RNF180: variants seen among roughly 807,000 people sequenced by gnomAD.
The protein encoded by RNF180 is E3 ubiquitin-protein ligase RNF180.
In RNF180, 38 loss-of-function variants were observed where a neutral mutation model predicts 59.2. The ratio of observed to expected loss-of-function variants is 0.64; its 90% CI spans 0.50 to 0.84. The LOEUF is 0.84. Among genes scored for constraint, RNF180 ranks in the 40% least tolerant of loss-of-function variants. The probability of loss-of-function intolerance (pLI) is 0.00; values close to 1 mark genes in which losing one functional copy is unlikely to be tolerated. For missense variants in RNF180, 705 were observed against 700.9 expected (o/e 1.01, Z -0.07); for synonymous variants, 262 against 240.3 (o/e 1.09, Z -0.84).
chr5:64,271,295 T>G lies in RNF180; in HGVS notation c.1228-53891T>G, dbSNP rs988858344. Among the ~76,000 whole-genome samples the G allele has an allele frequency of 1.4e-4, 21 of 152,230 alleles. No homozygotes were observed. The South Asian group carries it at 1.7e-3, about 12-fold the overall frequency. Reference sequence around the variant, plus strand: ...TGAACCCTCTTTAATGTGGAACATTTGACAGGTATATGTTGCTATTGAATA... The same window carrying G: ...TGAACCCTCTTTAATGTGGAACATTGGACAGGTATATGTTGCTATTGAATA... On this transcript the variant is annotated intron_variant, in intron 5 of 7. Transcript: ENST00000389100.
chr5:64,268,148 A>G (rs1744795474), intron 5 of RNF180, among the ~76,000 whole-genome samples: 1 of 152,140 alleles, frequency 6.6e-6, no homozygotes, highest in East Asian at 1.9e-4. Flanking sequence ...ATTTAGGTTC[A>G]CAAGGTGGTG....
chr5:64,337,466 G>A (rs1211445680), intron 7 of RNF180, among the ~76,000 whole-genome samples: 1 of 151,562 alleles, frequency 6.6e-6, no homozygotes, highest in Non-Finnish European at 1.5e-5. Flanking sequence ...ATTTTTATAT[G>A]GTTTCCTATT....
intron 5 of RNF180, among the ~76,000 whole-genome samples, chr5:64,297,040 A>G (rs1000771819): frequency 6.6e-6 from 1 of 152,134 alleles, no homozygotes; most frequent in Admixed American, 6.6e-5. Flanking sequence ...TTATGAAGAT[A>G]GTAATGTGTA....
intron 3 of RNF180, 112 bp downstream of exon 3, chr5:64,212,272 T>C: frequency 1.5e-6 from 1 of 664,318 alleles, no homozygotes; most frequent in Non-Finnish European, 2.8e-6. Flanking sequence ...CTCTTACTGC[T>C]CCTCACTCCC....
intron 5 of RNF180, among the ~76,000 whole-genome samples, chr5:64,312,256 C>T (rs1024662318): frequency 6.6e-6 from 1 of 152,016 alleles, no homozygotes; most frequent in Non-Finnish European, 1.5e-5. Context: ...AGATTTCTAA[C>T]AAGATCTCAA....
intron 1 of RNF180, among the ~76,000 whole-genome samples, chr5:64,171,804 T>C (rs1333513809): frequency 6.6e-6 from 1 of 152,194 alleles, no homozygotes; most frequent in Non-Finnish European, 1.5e-5. Flanking sequence ...TTCTCATTCC[T>C]AAAATTTGTT....
intron 1 of RNF180, among the ~76,000 whole-genome samples, chr5:64,191,135 A>C (rs1475204481): frequency 6.6e-6 from 1 of 152,206 alleles, no homozygotes; most frequent in East Asian, 1.9e-4. Flanking sequence ...TTTGTAGACT[A>C]TTTTTAGAGC....
chr5:64,306,067 A>G (rs899979223), intron 5 of RNF180, among the ~76,000 whole-genome samples: 1 of 151,720 alleles, frequency 6.6e-6, no homozygotes, highest in African/African-American at 2.4e-5. Flanking sequence ...TTAGCTATAG[A>G]AAAATCTAAT....
At chr5:64,341,483 T>C (rs1386898880) in intron 7 of RNF180, among the ~76,000 whole-genome samples, 2 of 152,178 alleles carry the variant, frequency 1.3e-5, no homozygotes, top group African/African-American at 4.8e-5. Flanking sequence ...GTTCAAGTGT[T>C]CTAAAGTTTG....
chr5:64,349,330 A>G (rs1014889386), intron 7 of RNF180, among the ~76,000 whole-genome samples: 8 of 150,042 alleles, frequency 5.3e-5, no homozygotes, highest in Admixed American at 2.0e-4. Flanking sequence ...TTTTTTTTGT[A>G]TTTTATTGAT....
intron 5 of RNF180, among the ~76,000 whole-genome samples, chr5:64,321,200 G>A (rs1438140200): frequency 6.6e-6 from 1 of 152,064 alleles, no homozygotes; most frequent in Non-Finnish European, 1.5e-5. Flanking sequence ...AAAAGGGTGG[G>A]GGGTATGCAG....
chr5:64,221,255 TTGAAA>T (rs757187583), intron 5 of RNF180, among the ~76,000 whole-genome samples: 13 of 152,064 alleles, frequency 8.5e-5, no homozygotes, highest in Non-Finnish European at 1.5e-4. Flanking sequence ...TTAATGGTTA[TTGAAA>T]TGAAAAGCTT....
intron 5 of RNF180, among the ~76,000 whole-genome samples, chr5:64,229,848 C>T (rs574562666): frequency 1.3e-5 from 2 of 152,282 alleles, no homozygotes; most frequent in African/African-American, 4.8e-5. Flanking sequence ...TAGTAGGTTA[C>T]AGTGAGCCAT....
chr5:64,168,696 T>G (rs1749776583), intron 1 of RNF180, among the ~76,000 whole-genome samples: 1 of 152,218 alleles, frequency 6.6e-6, no homozygotes. Flanking sequence ...TGGCTCCATA[T>G]TGTATGTTTT....
intron 5 of RNF180, among the ~76,000 whole-genome samples, chr5:64,293,876 G>A (rs1742738344): frequency 6.6e-6 from 1 of 152,130 alleles, no homozygotes; most frequent in Non-Finnish European, 1.5e-5. Flanking sequence ...TATTTTGAAA[G>A]TTAAAGTAGA....
chr5:64,172,029 T>G (rs773199178), intron 1 of RNF180, among the ~76,000 whole-genome samples: 5 of 152,208 alleles, frequency 3.3e-5, no homozygotes, highest in African/African-American at 4.8e-5. Flanking sequence ...TGTTTGAGCT[T>G]CTTCTTTTAT....
intron 5 of RNF180, among the ~76,000 whole-genome samples, chr5:64,239,533 T>G (rs1436532482): frequency 2.0e-5 from 3 of 152,128 alleles, no homozygotes; most frequent in African/African-American, 7.2e-5. Context: ...CAAAAGACAA[T>G]TGTCTTTTGA....
At chr5:64,363,778 G>C (rs1400308282) in intron 7 of RNF180, among the ~76,000 whole-genome samples, 1 of 151,770 alleles carries the variant, frequency 6.6e-6, no homozygotes, top group African/African-American at 2.4e-5. Context: ...GTGGTTTGTA[G>C]TTTTTCTTGT....
At chr5:64,296,367 T>G (rs976502998) in intron 5 of RNF180, among the ~76,000 whole-genome samples, 1 of 152,146 alleles carries the variant, frequency 6.6e-6, no homozygotes, top group African/African-American at 2.4e-5. Flanking sequence ...GGAATATTCT[T>G]AAATATGCTC....
Sources: allele counts gnomAD v4.1 joint callset (sites outside exome capture counted in the v4.1 genomes callset), GRCh38; gene constraint gnomAD v4.1.1; transcripts MANE v1.5; gene names NCBI Gene and HGNC (gene_info 2026-07-23, HGNC 2026-07-21).